Variants in UBP1 observed in about 807,000 individuals in gnomAD.
UBP1 encodes upstream-binding protein 1.
A neutral mutation model predicts 76.1 loss-of-function variants in UBP1; 22 were observed. The observed-to-expected ratio is 0.29, with a 90% CI of 0.21 to 0.41. The LOEUF (loss-of-function observed/expected upper bound fraction) is 0.41. Ranked by LOEUF, UBP1 falls within the 10% of genes least tolerant of loss-of-function variation. The probability of loss-of-function intolerance (pLI) is 1.00; values close to 1 mark genes in which losing one functional copy is unlikely to be tolerated. For missense variants in UBP1, 436 were observed against 668.1 expected (o/e 0.65, Z 3.83); for synonymous variants, 224 against 237.1 (o/e 0.94, Z 0.51).
At chr3:33,410,992 G>C (rs2044566655) in intron 5 of UBP1, among the ~76,000 whole-genome samples, 1 of 150,902 alleles carries the variant, frequency 6.6e-6, no homozygotes, top group Admixed American at 6.6e-5. Flanking sequence ...AGAAGAGCTT[G>C]AATCTGGGAG....
intron 1 of UBP1, among the ~76,000 whole-genome samples, chr3:33,436,531 A>G (rs553123533): frequency 6.6e-6 from 1 of 152,364 alleles, no homozygotes; most frequent in East Asian, 1.9e-4. Flanking sequence ...TACCTTTTTT[A>G]AAGTAATAAT....
chr3:33,392,724 CA>C (rs1439620891), intron 14 of UBP1, 110 bp from the exon 15 acceptor site: 1 of 997,350 alleles, frequency 1.0e-6, no homozygotes, highest in African/African-American at 1.6e-5. Context: ...ACTCAATGGC[CA>C]AAACGATAAT....
chr3:33,439,422 T>A (rs529775297), intron 1 of UBP1, among the ~76,000 whole-genome samples: 1 of 152,240 alleles, frequency 6.6e-6, no homozygotes, highest in Admixed American at 6.5e-5. Flanking sequence ...AAATCACTTA[T>A]AAGGAAAAGA....
intron 10 of UBP1, 76 bp downstream of exon 10, chr3:33,400,886 A>C: frequency 3.6e-6 from 5 of 1,396,028 alleles, no homozygotes; most frequent in Non-Finnish European, 4.9e-6. Flanking sequence ...CCTACTCCAT[A>C]CATTTGCACA....
rs2043608502 is a variant in UBP1 at position 33,388,491 on chromosome 3, A to G, written c.*1840T>C. Reference sequence around the variant, plus strand: ...GCCACTCAGTATAATTTCAAGTCTGATAAGCATCTAAGTATTTTTACCCCG... The same window carrying G: ...GCCACTCAGTATAATTTCAAGTCTGGTAAGCATCTAAGTATTTTTACCCCG... On this transcript the variant is annotated 3_prime_UTR_variant, in exon 16 of 16. Coordinates refer to ENST00000283629, the MANE Select transcript of UBP1 (RefSeq NM_014517.5). 2 of 152,666 alleles carry G rather than the reference A, an allele frequency of 1.3e-5. No homozygotes were observed. Among genetic ancestry groups the G allele is most frequent in the South Asian group, 2.1e-4 (1 of 4,830 alleles). The allele number at this position is 152,666 out of a possible 1,614,324, so 9.5% of individuals were successfully genotyped here. A position where few individuals can be genotyped will look rare whatever the true frequency, so the allele number is the denominator to read the frequency against.
At chr3:33,396,130 A>G (rs765669009) in intron 13 of UBP1, 32 bp downstream of exon 13, 2 of 1,514,902 alleles carry the variant, frequency 1.3e-6, no homozygotes, top group East Asian at 4.6e-5. Context: ...CAGTCTCAGA[A>G]GTGACAGAAT....
At chr3:33,425,881 C>T in intron 1 of UBP1, 140 bp from the exon 2 acceptor site, 1 of 534,024 alleles carries the variant, frequency 1.9e-6, no homozygotes, top group African/African-American at 2.5e-5. Flanking sequence ...TTTTTAAGAT[C>T]AGAAATTATA....
At chr3:33,415,742 T>G (rs369126540) in intron 3 of UBP1, among the ~76,000 whole-genome samples, 1 of 151,286 alleles carries the variant, frequency 6.6e-6, no homozygotes, top group East Asian at 1.9e-4. Flanking sequence ...CCTTTTACAC[T>G]GATACATTAA....
At chr3:33,410,516 A>G (rs1460084486) in intron 5 of UBP1, among the ~76,000 whole-genome samples, 2 of 152,228 alleles carry the variant, frequency 1.3e-5, no homozygotes, top group Non-Finnish European at 2.9e-5. Context: ...GTAGAATACC[A>G]AAATGCAAAA....
intron 2 of UBP1, among the ~76,000 whole-genome samples, chr3:33,418,133 T>TA (rs1268164983): frequency 6.6e-6 from 1 of 152,172 alleles, no homozygotes; most frequent in Non-Finnish European, 1.5e-5. Flanking sequence ...ATGAAGAATA[T>TA]AAAGTTTTGA....
At chr3:33,405,628 A>G (rs1234949372) in intron 8 of UBP1, among the ~76,000 whole-genome samples, 1 of 152,064 alleles carries the variant, frequency 6.6e-6, no homozygotes, top group Non-Finnish European at 1.5e-5. Flanking sequence ...GGAGTTGGGG[A>G]TCAGCCTGAG....
intron 3 of UBP1, chr3:33,416,017 G>C (rs2044719102): frequency 6.6e-6 from 1 of 152,126 alleles, no homozygotes; most frequent in African/African-American, 2.4e-5. Context: ...CACTAAAAAG[G>C]CAGATCCACA....
intron 12 of UBP1, chr3:33,396,537 G>A (rs2154055218): frequency 2.1e-6 from 1 of 465,260 alleles, no homozygotes; most frequent in East Asian, 3.9e-5. Context: ...TAAGTTTCAA[G>A]ATTAAGTCAG....
intron 1 of UBP1, among the ~76,000 whole-genome samples, chr3:33,428,181 CAAAAAAAAA>C (rs59049122): frequency 9.4e-4 from 54 of 57,252 alleles, no homozygotes; most frequent in African/African-American, 3.3e-3. Context: ...GATTCCATCT[CAAAAAAAAA>C]AAAAAAAAAA....
chr3:33,405,447 C>G (rs2044392972), intron 8 of UBP1, among the ~76,000 whole-genome samples: 1 of 152,180 alleles, frequency 6.6e-6, no homozygotes, highest in Non-Finnish European at 1.5e-5. Context: ...GCCTCCTTTG[C>G]AGCTATTTAA....
chr3:33,439,602 C>A, intron 1 of UBP1, 134 bp downstream of exon 1: 11 of 941,670 alleles, frequency 1.2e-5, no homozygotes, highest in Admixed American at 3.2e-5. Context: ...CCGACCGCCA[C>A]GCGGCAGGAC....
chr3:33,438,454 C>G (rs3947326), intron 1 of UBP1, among the ~76,000 whole-genome samples: 4 of 152,154 alleles, frequency 2.6e-5, no homozygotes, highest in African/African-American at 7.2e-5. Flanking sequence ...CTAATACTCC[C>G]CTCTGGGGTG....
chr3:33,416,686 T>A, intron 3 of UBP1, 72 bp downstream of exon 3: 2 of 1,218,100 alleles, frequency 1.6e-6, no homozygotes, highest in South Asian at 2.9e-5. Flanking sequence ...GAAGTGAAAT[T>A]AATTTTTTTT....
At chr3:33,394,382 A>G (rs567551411) in intron 13 of UBP1, among the ~76,000 whole-genome samples, 1 of 152,100 alleles carries the variant, frequency 6.6e-6, no homozygotes, top group South Asian at 2.1e-4. Flanking sequence ...TCCTACTACT[A>G]GGAATTTATC....
Sources: allele counts gnomAD v4.1 joint callset (sites outside exome capture counted in the v4.1 genomes callset), GRCh38; gene constraint gnomAD v4.1.1; transcripts MANE v1.5; gene names NCBI Gene and HGNC (gene_info 2026-07-23, HGNC 2026-07-21).